Variants in RASA3 observed in about 807,000 individuals in gnomAD.
The protein encoded by RASA3 is RAS p21 protein activator 3.
RASA3 carries 73 observed loss-of-function variants against 110.0 expected under a neutral mutation model. That is an observed-to-expected ratio of 0.66 (90% confidence interval 0.55 to 0.81). RASA3 has a LOEUF of 0.81. Among genes scored for constraint, RASA3 ranks in the 30% least tolerant of loss-of-function variants. The pLI, the probability that RASA3 is intolerant of heterozygous loss-of-function variation, is 0.00. For missense variants in RASA3, 976 were observed against 1,113.2 expected, an observed-to-expected ratio of 0.88 and a Z score of 1.75; for synonymous variants, 500 against 451.4, an observed-to-expected ratio of 1.11 and a Z score of -1.37.
Position 113,992,501 on chromosome 13 carries a change from C to A in RASA3, c.2229G>T (p.Lys743Asn). The A allele has an allele frequency of 6.2e-7, 1 of 1,613,230 alleles. No individual in the cohort carries two copies. Among genetic ancestry groups the A allele is most frequent in the Non-Finnish European group, 8.5e-7 (1 of 1,179,752 alleles). The change falls in exon 22 of 24, where the codon AAG becomes AAT. Residue 743 changes from lysine to asparagine, a missense_variant. Around this residue, in one of 4 missense-constraint regions of RASA3, gnomAD observed 132 missense variants for 152.8 expected, o/e 0.86. Transcript: ENST00000334062. The stretch of plus-strand genomic sequence containing the variant: ...CAGACTCACCCTGCATCTTCTCCAG[C>A]TTGCTCATGTACAAGTTGAAGAGGG... Reference protein sequence around the residue: ...IYSLFNLYMSKLEKMQEACGS... With the variant: ...IYSLFNLYMSNLEKMQEACGS...
chr13:113,994,281 T>C (rs2053185066), intron 21 of RASA3, among the ~76,000 whole-genome samples: 1 of 152,316 alleles, frequency 6.6e-6, no homozygotes, highest in East Asian at 1.9e-4. Flanking sequence ...GGATACTTGG[T>C]CATTTGTTTT....
At chr13:114,083,419 G>GC (rs34906947) in intron 1 of RASA3, among the ~76,000 whole-genome samples, 1 of 152,362 alleles carries the variant, frequency 6.6e-6, no homozygotes, top group East Asian at 1.9e-4. Flanking sequence ...GGAGAGCAGG[G>GC]CCCCGTTCAG....
chr13:114,042,555 C>T (rs762208192), intron 3 of RASA3, among the ~76,000 whole-genome samples: 13 of 152,246 alleles, frequency 8.5e-5, no homozygotes, highest in Admixed American at 2.6e-4. Context: ...CCCGGTTCAC[C>T]GCAGCGTCCG....
intron 2 of RASA3, among the ~76,000 whole-genome samples, chr13:114,064,294 C>G (rs147005316): frequency 6.6e-6 from 1 of 152,208 alleles, no homozygotes; most frequent in Non-Finnish European, 1.5e-5. Flanking sequence ...GTCCTCCCAG[C>G]CCCACCCAGA....
Position 113,996,648 on chromosome 13 carries a change from A to G in RASA3, c.2024T>C (p.Val675Ala). Residue 675 changes from valine (V) to alanine (A), a missense_variant, in exon 21 of 24, where the codon GTG becomes GCG. Physicochemically the swap from Val to Ala is moderately conservative, Grantham distance 64 (BLOSUM62 0). Coordinates refer to ENST00000334062, the MANE Select transcript of RASA3 (RefSeq NM_007368.4). Reference sequence around the variant, plus strand: ...GAGGCGCTTCTGGTTGCACTGGCTCACTTTGGTGAGAATGTCGATCCAGTC... The same window carrying G: ...GAGGCGCTTCTGGTTGCACTGGCTCGCTTTGGTGAGAATGTCGATCCAGTC... ...AKDWIDILTK[V>A]SQCNQKRLTV... 1 of 1,613,766 alleles carries G rather than the reference A, an allele frequency of 6.2e-7. No homozygotes were observed. Among genetic ancestry groups the G allele is most frequent in the East Asian group, 2.2e-5 (1 of 44,882 alleles).
chr13:114,009,965 G>A (rs1226162627), intron 16 of RASA3, among the ~76,000 whole-genome samples: 2 of 152,238 alleles, frequency 1.3e-5, no homozygotes, highest in East Asian at 3.8e-4. Flanking sequence ...CCATTCCTGA[G>A]GCTCGACCCC....
At chr13:114,073,911 C>T in intron 1 of RASA3, 74 bp from the exon 2 acceptor site, 1 of 1,306,712 alleles carries the variant, frequency 7.7e-7, no homozygotes. Flanking sequence ...AGACACGTTT[C>T]CAGCCTTTGC....
Position 114,006,162 on chromosome 13 carries a change from T to C in RASA3, c.1742+1371A>G, listed in dbSNP as rs867439126. Among the ~76,000 whole-genome samples the C allele has an allele frequency of 3.3e-3, 2 of 602 alleles. 1 individual carries two copies. Among genetic ancestry groups the C allele is most frequent in the African/African-American group, 0.12 (2 of 16 alleles). 0.4% of individuals were successfully genotyped at this position (602 alleles called of 152,430 possible). A position where few individuals can be genotyped will look rare whatever the true frequency, so the allele number is the denominator to read the frequency against. On this transcript the variant is annotated intron_variant, in intron 18 of 23. Coordinates refer to ENST00000334062, the MANE Select transcript of RASA3 (RefSeq NM_007368.4). ...TTACCCTTCTCCCCTCCTGCCCTGC[T>C]GGACACCACCTTACCCTTCTCCCCT...
Position 114,057,534 on chromosome 13 carries a change from G to C in RASA3, c.174-5379C>G, listed in dbSNP as rs562410255. 1.4e-4 allele frequency: 134 copies of C among 984,136 alleles called. 1 individual carries two copies. The Middle Eastern group carries it at 6.8e-3, about 50-fold the overall frequency. The allele number at this position is 984,136 out of a possible 1,614,324, so 61.0% of individuals were successfully genotyped here. On this transcript the variant is annotated intron_variant, in intron 2 of 23. Coordinates refer to ENST00000334062, the MANE Select transcript of RASA3 (RefSeq NM_007368.4). The surrounding 1 kb of genome is among the most constrained non-coding windows in gnomAD (Gnocchi z 5.0). ...GACCGATGATTTATTTAGGGAATAA[G>C]AAGGGCGATTCCAGGGACAGTGGAG... is the stretch of plus-strand genomic sequence containing the variant.
rs1404055212 is a variant in RASA3 at position 113,996,749 on chromosome 13, C to G, written c.1933-10G>C. On this transcript the variant is annotated splice_polypyrimidine_tract_variant and intron_variant, in intron 20 of 23. Coordinates refer to ENST00000334062, the MANE Select transcript of RASA3 (RefSeq NM_007368.4). ...GGATGACCTGGAACATCTGAGGACA[C>G]AGGTGGGCTCAGGACAGCGCACATG... 2 of 1,612,210 alleles carry G rather than the reference C, an allele frequency of 1.2e-6. No homozygotes were observed. Among genetic ancestry groups the G allele is most frequent in the South Asian group, 2.2e-5 (2 of 90,980 alleles).
At chr13:114,024,735 G>A (rs1416684612) in intron 7 of RASA3, among the ~76,000 whole-genome samples, 3 of 152,348 alleles carry the variant, frequency 2.0e-5, no homozygotes, top group East Asian at 1.9e-4. Context: ...CGAAGCCAGC[G>A]CCGCCCTCCC....
intron 23 of RASA3, among the ~76,000 whole-genome samples, chr13:113,980,283 G>A (rs1375672237): frequency 2.2e-5 from 3 of 137,168 alleles, no homozygotes; most frequent in African/African-American, 8.8e-5. Context: ...CTCCTCCCAC[G>A]TGTGCACCTT....
At chr13:114,004,339 A>T (rs945214754) in intron 18 of RASA3, among the ~76,000 whole-genome samples, 2 of 143,416 alleles carry the variant, frequency 1.4e-5, no homozygotes, top group African/African-American at 2.7e-5. Flanking sequence ...ACTAACAGCC[A>T]CAATTTAGAA....
intron 3 of RASA3, among the ~76,000 whole-genome samples, chr13:114,043,742 C>T (rs1299761792): frequency 6.6e-6 from 1 of 152,076 alleles, no homozygotes; most frequent in East Asian, 1.9e-4. Flanking sequence ...TCCAGTGACA[C>T]ACCACGTGGA....
At chr13:114,078,922 G>A (rs1012300701) in intron 1 of RASA3, among the ~76,000 whole-genome samples, 5 of 152,242 alleles carry the variant, frequency 3.3e-5, no homozygotes, top group Non-Finnish European at 7.3e-5. Context: ...GAGGAGCTGT[G>A]AGGGCATGGG....
intron 2 of RASA3, among the ~76,000 whole-genome samples, chr13:114,060,434 T>G (rs1438316741): frequency 6.6e-6 from 1 of 152,132 alleles, no homozygotes; most frequent in East Asian, 1.9e-4. Flanking sequence ...GAAGGGAAGG[T>G]CACCCAAGCC....
intron 1 of RASA3, among the ~76,000 whole-genome samples, chr13:114,083,674 T>C (rs1478404281): frequency 4.6e-5 from 4 of 87,644 alleles, no homozygotes; most frequent in African/African-American, 1.4e-4. Flanking sequence ...GGGGAAGTGG[T>C]GAGTCTGGAG....
chr13:113,980,500 T>TCG lies in RASA3; in HGVS notation c.2430-1079_2430-1078insCG, dbSNP rs1388223499. Among the ~76,000 whole-genome samples the TCG allele has an allele frequency of 5.6e-3, 852 of 151,026 alleles. 20 individuals are homozygous for TCG. Among genetic ancestry groups the TCG allele is most frequent in the East Asian group, 0.054 (278 of 5,144 alleles). On this transcript the variant is annotated intron_variant, in intron 23 of 23. Transcript: ENST00000334062. ...GCACCTCCTGCCATGTGTGTGCATC[T>TCG]TGTACCATGTGTGCCTCGTGTGCGC... is the stretch of plus-strand genomic sequence containing the variant.
At chr13:114,119,879 C>G (rs1247267350) in intron 1 of RASA3, among the ~76,000 whole-genome samples, 8 of 95,528 alleles carry the variant, frequency 8.4e-5, no homozygotes, top group African/African-American at 2.4e-4. Flanking sequence ...CTCCCTCTCT[C>G]CAGCCAGGCG....
Sources: allele counts gnomAD v4.1 joint callset (sites outside exome capture counted in the v4.1 genomes callset), GRCh38; gene constraint gnomAD v4.1.1; regional missense constraint gnomAD v4.1.1; non-coding constraint Gnocchi (gnomAD v3.1); transcripts MANE v1.5; gene names NCBI Gene and HGNC (gene_info 2026-07-23, HGNC 2026-07-21).